The following MMP19 variants were observed in gnomAD, a reference collection of about 807,000 sequenced individuals.
The protein encoded by MMP19 is matrix metalloproteinase-19.
In MMP19, 47 loss-of-function variants were observed where a neutral mutation model predicts 46.6. That is an observed-to-expected ratio of 1.01 (90% CI 0.80 to 1.29). MMP19 has a LOEUF of 1.29. Among genes scored for constraint, MMP19 ranks in the 50% most tolerant of loss-of-function variants. The pLI is 0.00. For missense variants in MMP19, 589 were observed against 643.5 expected (o/e 0.92, Z 0.92); for synonymous variants, 222 against 248.5 (o/e 0.89, Z 1.00).
At chr12:55,839,826 G>A (rs1270748130) in intron 4 of MMP19, 85 bp from the exon 5 acceptor site, 5 of 1,464,648 alleles carry the variant, frequency 3.4e-6, no homozygotes, top group Admixed American at 2.3e-5. Context: ...TCTAATTAAT[G>A]CATACCTTTA....
intron 2 of MMP19, among the ~76,000 whole-genome samples, chr12:55,841,718 C>T (rs1040910547): frequency 5.3e-5 from 8 of 152,090 alleles, no homozygotes; most frequent in Admixed American, 6.6e-5. Flanking sequence ...CATGCCCAGC[C>T]CCTCTACTGC....
At position 55,837,633 on chromosome 12, in the gene MMP19, G is replaced by A; in HGVS notation, c.1110C>T (p.Pro370=). ...YINFKMSPGF[P]KKLNRVEPNL... ...TAGGTTCTACCCTATTCAGCTTCTTGGGGAAGCCAGGAGACATCTTGAAAT... is the reference window on the plus strand; with the variant it reads ...TAGGTTCTACCCTATTCAGCTTCTTAGGGAAGCCAGGAGACATCTTGAAAT... Residue 370 remains proline, a synonymous_variant, in exon 8 of 9, where the codon CCC becomes CCT. Transcript: ENST00000322569. 6.2e-7 allele frequency: 1 copy of A among 1,614,174 alleles called. No individual in the cohort carries two copies. Among genetic ancestry groups the A allele is most frequent in the Non-Finnish European group, 8.5e-7 (1 of 1,180,022 alleles).
Position 55,842,737 on chromosome 12 carries a change from G to A in MMP19, c.87+7C>T, listed in dbSNP as rs777305065. On this transcript the variant is annotated splice_region_variant and intron_variant, in intron 1 of 8. Coordinates refer to ENST00000322569, the MANE Select transcript of MMP19 (RefSeq NM_002429.6). ...GCTGGCCCAGGTCTCTTTCTTGGGG[G>A]ACTTACCACAGGCGCCACCTCTGCA... The A allele has an allele frequency of 6.3e-7, 1 of 1,599,390 alleles. No individual in the cohort carries two copies. Among genetic ancestry groups the A allele is most frequent in the Non-Finnish European group, 8.5e-7 (1 of 1,173,056 alleles).
chr12:55,837,125 T>C lies in MMP19; in HGVS notation c.1438A>G (p.Thr480Ala), dbSNP rs571252212. Residue 480 changes from threonine (T) to alanine (A), a missense_variant, in exon 9 of 9, where the codon ACC becomes GCC. Physicochemically the swap from Thr to Ala is moderately conservative, Grantham distance 58. Coordinates refer to ENST00000322569, the MANE Select transcript of MMP19 (RefSeq NM_002429.6). The part of the protein sequence containing the change: ...MHCRPRTIDT[T>A]PSGGNTTPSG... ...GGAGTGGTATTCCCACCTGATGGGG[T>C]AGTGTCTATAGTCCGGGGACGACAG... 16 of 1,613,714 alleles carry C rather than the reference T, an allele frequency of 9.9e-6. No homozygotes were observed. In the Admixed American group the frequency reaches 2.5e-4, roughly 25 times the overall value.
Position 55,837,241 on chromosome 12 carries a change from TA to T in MMP19, c.1321del (p.Tyr441ThrfsTer17). 1 of 1,614,194 alleles carries T rather than the reference TA, an allele frequency of 6.2e-7. No homozygotes were observed. The highest frequency in any genetic ancestry group is 8.5e-7 in the Non-Finnish European group (1 of 1,180,030). Reference protein sequence around the residue: ...AAMSWQDGRVYFFKGKVYWRL... With the variant: ...AAMSWQDGRVXFFKGKVYWRL... ...CCAGTAGACTTTGCCCTTGAAGAAGTAGACTCGGCCATCTTGCCAACTCATA... is the reference window on the plus strand; with the variant it reads ...CCAGTAGACTTTGCCCTTGAAGAAGTGACTCGGCCATCTTGCCAACTCATA... On this transcript the variant is annotated frameshift_variant, in exon 9 of 9. Coordinates refer to ENST00000322569, the MANE Select transcript of MMP19 (RefSeq NM_002429.6). LOFTEE classifies it low-confidence loss of function (END_TRUNC).
In MMP19 at chr12:55,840,804, G is replaced by A; in HGVS notation, c.383C>T (p.Ala128Val). 2 of 1,612,438 alleles carry A rather than the reference G, an allele frequency of 1.2e-6. No individual in the cohort carries two copies. Among genetic ancestry groups the A allele is most frequent in the Non-Finnish European group, 1.7e-6 (2 of 1,178,694 alleles). Residue 128 changes from alanine to valine, a missense_variant, in exon 4 of 9, where the codon GCC becomes GTC. Ala to Val is a moderately conservative substitution (Grantham distance 64). Coordinates refer to ENST00000322569, the MANE Select transcript of MMP19 (RefSeq NM_002429.6). Reference sequence around the variant, plus strand: ...CCAGTCCTGGAAGGCTTGACGCAGGGCTGCCCGGGCTGTGTGGGGTGGAAG... The same window carrying A: ...CCAGTCCTGGAAGGCTTGACGCAGGACTGCCCGGGCTGTGTGGGGTGGAAG... ...STLPPHTARAALRQAFQDWSN... is the reference protein window; with the variant it reads ...STLPPHTARAVLRQAFQDWSN...
At chr12:55,841,603 G>T (rs1256196136) in intron 2 of MMP19, among the ~76,000 whole-genome samples, 2 of 148,106 alleles carry the variant, frequency 1.4e-5, no homozygotes, top group African/African-American at 5.0e-5. Flanking sequence ...TTTTTTGGTA[G>T]AGATGGGGTC....
rs1268432191 is a variant in MMP19 at position 55,841,188 on chromosome 12, A to G, written c.222T>C (p.Asp74=). ...GCTGCCTCATGCGGGCCCTTGTGGC[A>G]TCATCCAGCTGACCTGAGACTGGAA... ...SELPVSGQLD[D]ATRARMRQPR... is the part of the protein sequence containing the mutation. The change falls in exon 3 of 9, where the codon GAT becomes GAC. Residue 74 remains aspartate, a synonymous_variant. Coordinates refer to ENST00000322569, the MANE Select transcript of MMP19 (RefSeq NM_002429.6). The G allele has an allele frequency of 6.2e-7, 1 of 1,613,844 alleles. No homozygotes were observed. The highest frequency in any genetic ancestry group is 1.3e-5 in the African/African-American group (1 of 74,920).
In MMP19 at chr12:55,839,524, A is replaced by T. The variant is rs774621996; in HGVS notation, c.738T>A (p.Asp246Glu). The T allele has an allele frequency of 6.2e-6, 10 of 1,611,796 alleles. No homozygotes were observed. Among genetic ancestry groups the T allele is most frequent in the Non-Finnish European group, 8.5e-6 (10 of 1,178,050 alleles). The change falls in exon 5 of 9, where the codon GAT (aspartate) becomes GAA (glutamate). Residue 246 changes from aspartate (D) to glutamate (E), a missense_variant. By Grantham distance (45) the Asp-to-Glu change is conservative (BLOSUM62 2). Coordinates refer to ENST00000322569, the MANE Select transcript of MMP19 (RefSeq NM_002429.6). ...GYRPHFKLHP[D>E]DVAGIQALYG... ...AGAGAGCCTGGATCCCTGCCACATCATCTGGGTGCAGCTTAAAGTGGGGCC... is the reference window on the plus strand; with the variant it reads ...AGAGAGCCTGGATCCCTGCCACATCTTCTGGGTGCAGCTTAAAGTGGGGCC...
At chr12:55,842,623 G>T in intron 1 of MMP19, 121 bp downstream of exon 1, 2 of 905,952 alleles carry the variant, frequency 2.2e-6, no homozygotes, top group South Asian at 1.4e-5. Context: ...GGTAGACCAT[G>T]GGGCAGAGAG....
intron 8 of MMP19, 47 bp downstream of exon 8, chr12:55,837,508 G>T: frequency 6.2e-7 from 1 of 1,612,498 alleles, no homozygotes; most frequent in Non-Finnish European, 8.5e-7. Context: ...GTATAAGGTA[G>T]CCCACTCCTC....
intron 6 of MMP19, 67 bp downstream of exon 6, chr12:55,838,539 G>A (rs751618957): frequency 3.1e-6 from 5 of 1,613,208 alleles, no homozygotes; most frequent in Non-Finnish European, 4.2e-6. Flanking sequence ...ACTCCCATTT[G>A]TCCAGGCCTC....
In MMP19 at chr12:55,839,709, G is replaced by T; in HGVS notation, c.553C>A (p.Leu185Met). The stretch of plus-strand genomic sequence containing the variant: ...TCTTCGTCGAAGTGCACACTGCCCA[G>T]CTCTGGGATGTCGGCATGGGCCAGG... The part of the protein sequence containing the change: ...RVLAHADIPE[L>M]GSVHFDEDEF... Residue 185 changes from leucine to methionine, a missense_variant, in exon 5 of 9, where the codon CTG becomes ATG. Coordinates refer to ENST00000322569, the MANE Select transcript of MMP19 (RefSeq NM_002429.6). 1 of 1,613,748 alleles carries T rather than the reference G, an allele frequency of 6.2e-7. No homozygotes were observed. The highest frequency in any genetic ancestry group is 2.2e-5 in the East Asian group (1 of 44,858).
At chr12:55,841,513 T>TCCTA (rs767418013) in intron 2 of MMP19, 2 of 75,124 alleles carry the variant, frequency 2.7e-5, no homozygotes, top group African/African-American at 8.2e-5. Flanking sequence ...ACTGCAATCT[T>TCCTA]CCTTCCTTCC....
rs773496784 is a variant in MMP19, at chr12:55,837,567, C to G, written c.1176G>C (p.Val392=). Residue 392 remains valine (V), a synonymous_variant, in exon 8 of 9, where the codon GTG becomes GTC. Coordinates refer to ENST00000322569, the MANE Select transcript of MMP19 (RefSeq NM_002429.6). ...AALYWPLNQK[V]FLFKGSGYWQ... is the part of the protein sequence containing the mutation. Reference sequence around the variant, plus strand: ...TTGAACTTTATACCTTAAAGAGGAACACCTTTTGGTTGAGAGGCCAATAGA... The same window carrying G: ...TTGAACTTTATACCTTAAAGAGGAAGACCTTTTGGTTGAGAGGCCAATAGA... The G allele has an allele frequency of 2.2e-5, 36 of 1,614,070 alleles. No homozygotes were observed. Among genetic ancestry groups the G allele is most frequent in the Non-Finnish European group, 3.0e-5 (35 of 1,180,050 alleles).
chr12:55,842,272 G>A, intron 2 of MMP19, 81 bp downstream of exon 2: 1 of 1,120,334 alleles, frequency 8.9e-7, no homozygotes, highest in Non-Finnish European at 1.4e-6. Context: ...AGGAGGAGGT[G>A]GGCCTGGGGA....
At position 55,837,640 on chromosome 12, in the gene MMP19, C is replaced by G. The variant is rs142242310; in HGVS notation, c.1103G>C (p.Gly368Ala). ...WRYINFKMSPGFPKKLNRVEP... is the reference protein window; with the variant it reads ...WRYINFKMSPAFPKKLNRVEP... ...TACCCTATTCAGCTTCTTGGGGAAG[C>G]CAGGAGACATCTTGAAATTAATGTA... The change falls in exon 8 of 9, where the codon GGC becomes GCC. Residue 368 changes from glycine (G) to alanine (A), a missense_variant. Coordinates refer to ENST00000322569, the MANE Select transcript of MMP19 (RefSeq NM_002429.6). 2 of 1,614,168 alleles carry G rather than the reference C, an allele frequency of 1.2e-6. No individual in the cohort carries two copies. The highest frequency in any genetic ancestry group is 1.7e-5 in the Admixed American group (1 of 60,024).
intron 5 of MMP19, among the ~76,000 whole-genome samples, chr12:55,839,238 T>G (rs1371341149): frequency 5.1e-5 from 6 of 117,938 alleles, no homozygotes; most frequent in Non-Finnish European, 8.3e-5. Context: ...TGAGGCTCTA[T>G]CTCAAAAAAA....
chr12:55,838,112 G>C, intron 6 of MMP19, 105 bp from the exon 7 acceptor site: 3 of 1,063,660 alleles, frequency 2.8e-6, no homozygotes, highest in Non-Finnish European at 2.7e-6. Context: ...CCTGCAGGCT[G>C]ATTCTTCAAA....
Sources: allele counts gnomAD v4.1 joint callset (sites outside exome capture counted in the v4.1 genomes callset), GRCh38; gene constraint gnomAD v4.1.1; transcripts MANE v1.5; gene names NCBI Gene and HGNC (gene_info 2026-07-23, HGNC 2026-07-21).